Variants in TTC39C observed in about 807,000 individuals in gnomAD.
TTC39C encodes tetratricopeptide repeat domain 39C.
Under a neutral mutation model 76.3 loss-of-function variants are expected in TTC39C, and 33 were observed. The ratio of observed to expected loss-of-function variants is 0.43; its 90% CI spans 0.33 to 0.58. The LOEUF is 0.58. TTC39C is among the 20% of genes least tolerant of loss of function. TTC39C has a pLI of 0.04. For synonymous variants in TTC39C, 254 were observed against 260.6 expected (o/e 0.97, Z 0.24); for missense variants, 595 against 701.4 (o/e 0.85, Z 1.71).
At chr18:24,061,471 G>A (rs1438101038) in intron 1 of TTC39C, among the ~76,000 whole-genome samples, 4 of 151,444 alleles carry the variant, frequency 2.6e-5, no homozygotes, top group South Asian at 2.1e-4. Context: ...AATGACCTTC[G>A]TACTCTTTGG....
At chr18:24,029,471 T>C (rs2083641951) in intron 1 of TTC39C, among the ~76,000 whole-genome samples, 1 of 152,236 alleles carries the variant, frequency 6.6e-6, no homozygotes, top group Non-Finnish European at 1.5e-5. Flanking sequence ...AGAGGAATCA[T>C]ATTATAACTT....
chr18:23,993,977 G>A (rs2083239888), intron 1 of TTC39C, among the ~76,000 whole-genome samples: 1 of 152,150 alleles, frequency 6.6e-6, no homozygotes, highest in African/African-American at 2.4e-5. Flanking sequence ...TAAATGAATT[G>A]TTGCCATTAA....
chr18:24,026,731 T>C (rs1458407491), intron 1 of TTC39C, among the ~76,000 whole-genome samples: 1 of 152,182 alleles, frequency 6.6e-6, no homozygotes, highest in Non-Finnish European at 1.5e-5. Context: ...TATTTGCTGC[T>C]CTTTCCACTT....
At chr18:24,131,438 C>T (rs932034201) in intron 12 of TTC39C, among the ~76,000 whole-genome samples, 11 of 151,862 alleles carry the variant, frequency 7.2e-5, no homozygotes, top group Non-Finnish European at 1.5e-4. Flanking sequence ...TGGGGCTGGG[C>T]GCAGTGGCTC....
chr18:24,130,326 C>T lies in TTC39C; in HGVS notation c.1532C>T (p.Ala511Val). The stretch of plus-strand genomic sequence containing the variant: ...CATTCCTTTCAGTACTTCCAGCGAG[C>T]TGTTAAAGATGAATTGTGTCGTCAG... ...SEDAVQYFQR[A>V]VKDELCRQNN... Residue 511 changes from alanine (A) to valine (V), a missense_variant, in exon 12 of 14, where the codon GCT becomes GTT. Coordinates refer to ENST00000317571, the MANE Select transcript of TTC39C (RefSeq NM_001135993.2). The T allele has an allele frequency of 6.4e-7, 1 of 1,572,890 alleles. No individual in the cohort carries two copies. The highest frequency in any genetic ancestry group is 8.6e-7 in the Non-Finnish European group (1 of 1,159,186).
upstream of TTC39C, among the ~76,000 whole-genome samples, chr18:24,014,096 G>C (rs1461608224): frequency 6.6e-6 from 1 of 152,222 alleles, no homozygotes; most frequent in Non-Finnish European, 1.5e-5. Flanking sequence ...GCGGGGCTCC[G>C]GGGAGCTGCG....
intron 6 of TTC39C, among the ~76,000 whole-genome samples, chr18:24,087,057 A>T (rs1156754475): frequency 6.6e-6 from 1 of 152,140 alleles, no homozygotes; most frequent in Non-Finnish European, 1.5e-5. Context: ...CTTATCCCTG[A>T]ATTTCCACAA....
At chr18:23,997,708 A>AAGAAAGAAAG (rs2145622733) in intron 1 of TTC39C, among the ~76,000 whole-genome samples, 1 of 151,080 alleles carries the variant, frequency 6.6e-6, no homozygotes, top group Non-Finnish European at 1.5e-5. Flanking sequence ...GAAAGAAAGA[A>AAGAAAGAAAG]AGAAAGAAAG....
rs2083429681 is a variant in TTC39C at position 24,014,808 on chromosome 18, G to GTA, written c.-64_-63insTA. The GTA allele has an allele frequency of 1.7e-6, 2 of 1,195,026 alleles. No individual in the cohort carries two copies. Among genetic ancestry groups the GTA allele is most frequent in the South Asian group, 8.3e-5 (2 of 23,988 alleles). The allele number at this position is 1,195,026 out of a possible 1,614,324, so 74.0% of individuals were successfully genotyped here. A position where few individuals can be genotyped will look rare whatever the true frequency, so the allele number is the denominator to read the frequency against. ...GGGCAGGTAGAGCCGGGCTCCGGGC[G>GTA]CGCGCGGGGCCGCAGCAGCTGCTCC... On this transcript the variant is annotated 5_prime_UTR_variant, in exon 1 of 14. Transcript: ENST00000317571.
chr18:24,007,301 C>G (rs1416811921), intron 1 of TTC39C, among the ~76,000 whole-genome samples: 1 of 152,130 alleles, frequency 6.6e-6, no homozygotes, highest in Non-Finnish European at 1.5e-5. Context: ...ATTTCTTTGT[C>G]CAAAATAATA....
intron 1 of TTC39C, among the ~76,000 whole-genome samples, chr18:24,036,070 A>G (rs966473232): frequency 1.3e-5 from 2 of 151,410 alleles, no homozygotes; most frequent in Non-Finnish European, 1.5e-5. Context: ...TAGGCTCTCT[A>G]TTCTTTTGCA....
chr18:24,055,108 G>C (rs979206806), intron 1 of TTC39C, among the ~76,000 whole-genome samples: 1 of 152,106 alleles, frequency 6.6e-6, no homozygotes, highest in Non-Finnish European at 1.5e-5. Context: ...GTATTCCACT[G>C]TATGTATATC....
At chr18:24,113,483 G>A (rs2084844185) in intron 6 of TTC39C, 1 of 669,006 alleles carries the variant, frequency 1.5e-6, no homozygotes, top group Non-Finnish European at 2.7e-6. Flanking sequence ...AGCATTGGAG[G>A]GGGAGGAAGC....
rs117706190 is a variant in TTC39C at position 24,047,611 on chromosome 18, C to T, written c.168-16529C>T. Among the ~76,000 whole-genome samples the T allele has an allele frequency of 6.3e-4, 96 of 152,066 alleles. No individual in the cohort carries two copies. In the East Asian group the frequency reaches 0.012, roughly 20 times the overall value. On this transcript the variant is annotated intron_variant, in intron 1 of 13. Transcript: ENST00000317571. ...CTTCCCTTTCTGTCTGCCTTCCTCC[C>T]TCCCTTTATTTCTTTTTGGTAGCAG...
intron 1 of TTC39C, chr18:24,022,747 G>C (rs1415847753): frequency 7.1e-6 from 7 of 985,362 alleles, no homozygotes; most frequent in Non-Finnish European, 8.4e-6. Context: ...CTCCTGGCCT[G>C]GCCTCCGATG....
intron 1 of TTC39C, chr18:24,016,886 A>G (rs2083460194): frequency 1.3e-5 from 5 of 396,278 alleles, no homozygotes; most frequent in East Asian, 3.6e-5. Context: ...ACATTCCCTT[A>G]TATATTCTCA....
At chr18:24,053,599 A>G (rs1010924106) in intron 1 of TTC39C, among the ~76,000 whole-genome samples, 1 of 152,242 alleles carries the variant, frequency 6.6e-6, no homozygotes, top group African/African-American at 2.4e-5. Context: ...TTTGGAAAAC[A>G]TAGCTCATTG....
chr18:24,113,723 A>G, intron 6 of TTC39C: 1 of 701,676 alleles, frequency 1.4e-6, no homozygotes, highest in East Asian at 2.7e-5. Flanking sequence ...TTGAATCCTG[A>G]TCATGCTTTT....
intron 1 of TTC39C, among the ~76,000 whole-genome samples, chr18:24,055,361 A>C (rs1002592901): frequency 1.3e-5 from 2 of 152,212 alleles, no homozygotes; most frequent in Non-Finnish European, 2.9e-5. Context: ...AACGGTATGC[A>C]AAGGTTCCAG....
Sources: gnomAD v4.1 joint callset for allele counts (sites outside exome capture counted in the v4.1 genomes callset) on GRCh38, gnomAD v4.1.1 for gene constraint, MANE v1.5 for transcripts, NCBI Gene and HGNC (gene_info 2026-07-23, HGNC 2026-07-21) for gene names.